The following CSMD1 variants were observed in gnomAD, a reference collection of about 807,000 sequenced individuals.
CSMD1 encodes CUB and sushi domain-containing protein 1.
In CSMD1, 213 loss-of-function variants were observed where a neutral mutation model predicts 417.5. The ratio of observed to expected loss-of-function variants is 0.51; its 90% CI spans 0.46 to 0.57. CSMD1 has a LOEUF of 0.57. Among genes scored for constraint, CSMD1 ranks in the 20% least tolerant of loss-of-function variants. The pLI is 0.00. For missense variants in CSMD1, 6,923 were observed against 4,529.7 expected (o/e 1.53, Z -15.17); for synonymous variants, 2,862 against 1,736.8 (o/e 1.65, Z -16.11).
chr8:4,893,820 A>T (rs927243663), intron 1 of CSMD1, among the ~76,000 whole-genome samples: 23 of 152,100 alleles, frequency 1.5e-4, no homozygotes, highest in African/African-American at 4.4e-4. Context: ...GCATATGTTG[A>T]TATCTGGAAC....
intron 5 of CSMD1, among the ~76,000 whole-genome samples, chr8:3,776,522 G>C (rs889732792): frequency 1.3e-5 from 2 of 152,106 alleles, no homozygotes; most frequent in African/African-American, 4.8e-5. Context: ...TGGGGCCTTG[G>C]AACTTGCTGT....
intron 3 of CSMD1, among the ~76,000 whole-genome samples, chr8:4,306,227 A>C (rs41374945): frequency 0.76 from 115,016 of 152,130 alleles, 43,602 homozygotes; most frequent in East Asian, 0.85. Context: ...GTTCTTCCAA[A>C]ATATCACGAC....
At chr8:3,376,983 C>T (rs1380859185) in intron 18 of CSMD1, among the ~76,000 whole-genome samples, 2 of 152,140 alleles carry the variant, frequency 1.3e-5, no homozygotes, top group Non-Finnish European at 2.9e-5. Flanking sequence ...CAAACTCTAA[C>T]ATCACCCAAA....
chr8:3,582,125 G>C (rs1402720620), intron 9 of CSMD1, among the ~76,000 whole-genome samples: 1 of 152,174 alleles, frequency 6.6e-6, no homozygotes, highest in South Asian at 2.1e-4. Context: ...ATTTTTTGTG[G>C]TAATGGAAGA....
At position 3,997,215 on chromosome 8, in the gene CSMD1, A is replaced by G. The variant is rs187435197; in HGVS notation, c.818+688T>C. 4.1e-3 allele frequency among the ~76,000 whole-genome samples: 623 copies of G among 152,350 alleles called. 3 individuals are homozygous for G. The highest frequency in any genetic ancestry group is 4.9e-3 in the Non-Finnish European group (330 of 68,032). On this transcript the variant is annotated intron_variant, in intron 5 of 69. Transcript: ENST00000635120. ...ATAGAAATTAAGGCCTTAAACATCT[A>G]TGCTATGTTTTTAAGTCTCTCAAAT...
chr8:3,993,159 G>C (rs762612053), intron 5 of CSMD1, among the ~76,000 whole-genome samples: 2 of 152,210 alleles, frequency 1.3e-5, no homozygotes, highest in Non-Finnish European at 2.9e-5. Context: ...GGTTATGTAA[G>C]ATGTTCACAT....
intron 1 of CSMD1, among the ~76,000 whole-genome samples, chr8:4,642,804 C>G (rs533880093): frequency 5.9e-5 from 9 of 152,122 alleles, no homozygotes; most frequent in Non-Finnish European, 1.2e-4. Context: ...TATTCAAAAC[C>G]TCTGTCTGAG....
chr8:4,802,329 C>G lies in CSMD1; in HGVS notation c.86-164771G>C, dbSNP rs1192573288. On this transcript the variant is annotated intron_variant, in intron 1 of 69. Coordinates refer to ENST00000635120, the MANE Select transcript of CSMD1 (RefSeq NM_033225.6). The stretch of plus-strand genomic sequence containing the variant: ...CTATGACTGGTCCTCCAACTAGGAA[C>G]AAGCAAAATGAGTGTGTGCGCGCGT... 2.7e-5 allele frequency among the ~76,000 whole-genome samples: 4 copies of G among 150,184 alleles called. No individual in the cohort carries two copies. In the East Asian group the frequency reaches 7.9e-4, roughly 30 times the overall value.
intron 3 of CSMD1, among the ~76,000 whole-genome samples, chr8:4,102,319 T>G (rs1288463676): frequency 6.6e-6 from 1 of 152,214 alleles, no homozygotes; most frequent in East Asian, 1.9e-4. Flanking sequence ...TTTCTATTAA[T>G]TTTAAACAAA....
At chr8:3,249,781 A>C (rs1443944200) in intron 26 of CSMD1, among the ~76,000 whole-genome samples, 1 of 152,162 alleles carries the variant, frequency 6.6e-6, no homozygotes, top group Non-Finnish European at 1.5e-5. Flanking sequence ...ATCAATTTCC[A>C]TGTCTAAACT....
rs567608906 is a variant in CSMD1 at position 4,108,085 on chromosome 8, C to G, written c.416-75986G>C. On this transcript the variant is annotated intron_variant, in intron 3 of 69. Coordinates refer to ENST00000635120, the MANE Select transcript of CSMD1 (RefSeq NM_033225.6). ...ACAGAGACAGAGACAGAGAGAGAGA[C>G]AGAGAGAGAACAAGAAAAAGACGGA... Among the ~76,000 whole-genome samples, 29 of 112,668 alleles carry G rather than the reference C, an allele frequency of 2.6e-4. No individual in the cohort carries two copies. In the Admixed American group the frequency reaches 2.6e-3, roughly 10 times the overall value. The allele number at this position is 112,668 out of a possible 152,430, so 73.9% of individuals were successfully genotyped here.
At chr8:4,128,676 C>T (rs1216192762) in intron 3 of CSMD1, among the ~76,000 whole-genome samples, 1 of 152,026 alleles carries the variant, frequency 6.6e-6, no homozygotes, top group African/African-American at 2.4e-5. Context: ...TTCTTTCATC[C>T]CATACCCCAC....
chr8:4,299,565 TAA>T (rs1797870166), intron 3 of CSMD1, among the ~76,000 whole-genome samples: 1 of 152,248 alleles, frequency 6.6e-6, no homozygotes, highest in East Asian at 1.9e-4. Context: ...TCATAAAATT[TAA>T]AGTCTACATT....
chr8:4,083,593 G>A (rs997514670), intron 3 of CSMD1, among the ~76,000 whole-genome samples: 1 of 152,148 alleles, frequency 6.6e-6, no homozygotes, highest in East Asian at 1.9e-4. Context: ...AATGGGGAAA[G>A]GATTCCCTAT....
intron 3 of CSMD1, among the ~76,000 whole-genome samples, chr8:4,297,269 GC>G (rs1563409416): frequency 1.3e-5 from 2 of 151,930 alleles, no homozygotes; most frequent in African/African-American, 4.8e-5. Flanking sequence ...ATTTACCAAG[GC>G]TATATGAAGA....
intron 3 of CSMD1, among the ~76,000 whole-genome samples, chr8:4,142,991 G>GA (rs1554468016): frequency 0.074 from 8,920 of 120,722 alleles, 606 homozygotes; most frequent in East Asian, 0.28. Context: ...CAAACTGATT[G>GA]AAAAAAAAAA....
intron 41 of CSMD1, among the ~76,000 whole-genome samples, chr8:3,131,673 T>C (rs1438916829): frequency 1.3e-5 from 2 of 152,052 alleles, no homozygotes; most frequent in Non-Finnish European, 2.9e-5. Flanking sequence ...GGTTTTGCCA[T>C]GTTGGTCAGG....
intron 2 of CSMD1, among the ~76,000 whole-genome samples, chr8:4,428,055 A>G (rs1002365721): frequency 3.9e-5 from 6 of 152,196 alleles, no homozygotes; most frequent in African/African-American, 1.4e-4. Flanking sequence ...TTAAGACATG[A>G]AGGTTACATG....
At chr8:3,336,171 A>C (rs981003935) in intron 23 of CSMD1, among the ~76,000 whole-genome samples, 2 of 152,140 alleles carry the variant, frequency 1.3e-5, no homozygotes, top group Non-Finnish European at 2.9e-5. Flanking sequence ...GAAAAATAGT[A>C]ACTGTGGGGT....
Sources: allele counts gnomAD v4.1 joint callset (sites outside exome capture counted in the v4.1 genomes callset), GRCh38; gene constraint gnomAD v4.1.1; transcripts MANE v1.5; gene names NCBI Gene and HGNC (gene_info 2026-07-23, HGNC 2026-07-21).